ZNF385B: variants seen among roughly 807,000 people sequenced by gnomAD.
The protein encoded by ZNF385B is zinc finger protein 385B.
In ZNF385B, 23 loss-of-function variants were observed where a neutral mutation model predicts 39.2. The ratio of observed to expected loss-of-function variants is 0.59; its 90% CI spans 0.42 to 0.83. ZNF385B has a LOEUF of 0.83. Ranked by LOEUF, ZNF385B falls within the 40% of genes least tolerant of loss-of-function variation. The pLI is 0.00. For synonymous variants in ZNF385B, 205 were observed against 222.6 expected (o/e 0.92, Z 0.70); for missense variants, 552 against 598.9 (o/e 0.92, Z 0.82).
At chr2:179,508,668 C>T (rs1182564889) in intron 5 of ZNF385B, among the ~76,000 whole-genome samples, 3 of 152,170 alleles carry the variant, frequency 2.0e-5, no homozygotes, top group Non-Finnish European at 4.4e-5. Flanking sequence ...GATGGTGAAT[C>T]ATGGATAATC....
At chr2:179,734,982 ATG>A (rs1410007396) in intron 3 of ZNF385B, among the ~76,000 whole-genome samples, 1 of 152,004 alleles carries the variant, frequency 6.6e-6, no homozygotes, top group East Asian at 1.9e-4. Context: ...CAAGGACTTC[ATG>A]TCTAAAACAC....
chr2:179,652,549 G>T (rs998848974), intron 3 of ZNF385B, among the ~76,000 whole-genome samples: 1 of 152,058 alleles, frequency 6.6e-6, no homozygotes, highest in Non-Finnish European at 1.5e-5. Context: ...GGGTGTTATG[G>T]TTATTACCAT....
At chr2:179,828,657 T>C (rs1158224419) in intron 1 of ZNF385B, among the ~76,000 whole-genome samples, 3 of 152,214 alleles carry the variant, frequency 2.0e-5, no homozygotes, top group Admixed American at 2.0e-4. Flanking sequence ...CTGGTTTTCA[T>C]GAAGTTTGAG....
chr2:179,619,469 T>C (rs1334672337), intron 3 of ZNF385B, among the ~76,000 whole-genome samples: 1 of 152,216 alleles, frequency 6.6e-6, no homozygotes, highest in Non-Finnish European at 1.5e-5. Context: ...CGGATTCCTG[T>C]CCTGCTCCCC....
At chr2:179,531,620 G>C (rs1479158925) in intron 4 of ZNF385B, among the ~76,000 whole-genome samples, 1 of 152,112 alleles carries the variant, frequency 6.6e-6, no homozygotes, top group Non-Finnish European at 1.5e-5. Context: ...GGGTGACATA[G>C]TGAGACTCCA....
intron 3 of ZNF385B, among the ~76,000 whole-genome samples, chr2:179,605,431 A>AT (rs1156329185): frequency 6.6e-6 from 1 of 152,102 alleles, no homozygotes; most frequent in African/African-American, 2.4e-5. Flanking sequence ...GTTAATAAGT[A>AT]TTTTTTTAAA....
intron 1 of ZNF385B, among the ~76,000 whole-genome samples, chr2:179,820,759 A>G (rs1471261670): frequency 2.6e-5 from 4 of 152,134 alleles, no homozygotes; most frequent in Admixed American, 6.6e-5. Context: ...TACTATAAGG[A>G]ATTTCCTTAT....
intron 3 of ZNF385B, chr2:179,562,441 A>G (rs1684026513): frequency 1.0e-6 from 1 of 985,262 alleles, no homozygotes; most frequent in African/African-American, 1.7e-5. Context: ...TCTGCATTTG[A>G]GCACTGTACG....
At chr2:179,711,719 C>T (rs924438652) in intron 3 of ZNF385B, among the ~76,000 whole-genome samples, 4 of 151,902 alleles carry the variant, frequency 2.6e-5, no homozygotes, top group Non-Finnish European at 5.9e-5. Context: ...GTAGAGGTTG[C>T]TAGGGGGAGG....
intron 3 of ZNF385B, among the ~76,000 whole-genome samples, chr2:179,555,633 A>T (rs1183246982): frequency 6.7e-6 from 1 of 149,344 alleles, no homozygotes; most frequent in Admixed American, 6.7e-5. Flanking sequence ...ATGCTTTTTG[A>T]GTTCTTTTTT....
intron 3 of ZNF385B, among the ~76,000 whole-genome samples, chr2:179,692,993 T>G (rs1399689): frequency 0.29 from 43,499 of 152,126 alleles, 6,621 homozygotes; most frequent in Non-Finnish European, 0.35. Flanking sequence ...GCAGTGTCTA[T>G]CTCCTGGAAG....
intron 3 of ZNF385B, among the ~76,000 whole-genome samples, chr2:179,625,219 T>C (rs972050635): frequency 6.6e-6 from 1 of 152,096 alleles, no homozygotes; most frequent in Non-Finnish European, 1.5e-5. Flanking sequence ...TCCCTGAGAG[T>C]GTCTCTCTTT....
chr2:179,676,379 C>G (rs186641283), intron 3 of ZNF385B, among the ~76,000 whole-genome samples: 3 of 151,030 alleles, frequency 2.0e-5, no homozygotes, highest in African/African-American at 2.4e-5. Flanking sequence ...TGAGCCACCA[C>G]GCCCAGCCTA....
chr2:179,620,759 T>C (rs1340085273), intron 3 of ZNF385B, among the ~76,000 whole-genome samples: 1 of 152,200 alleles, frequency 6.6e-6, no homozygotes, highest in Non-Finnish European at 1.5e-5. Context: ...TTTAAGACTT[T>C]GTTGAGATGG....
chr2:179,598,516 T>C (rs1688171907), intron 3 of ZNF385B, among the ~76,000 whole-genome samples: 1 of 152,124 alleles, frequency 6.6e-6, no homozygotes, highest in Non-Finnish European at 1.5e-5. Context: ...GATGAGTAAA[T>C]CGTGATATAT....
At chr2:179,780,592 T>C (rs1388400941) in intron 1 of ZNF385B, among the ~76,000 whole-genome samples, 1 of 152,208 alleles carries the variant, frequency 6.6e-6, no homozygotes, top group Non-Finnish European at 1.5e-5. Context: ...AAATTAAATG[T>C]GCCATGATCT....
intron 3 of ZNF385B, among the ~76,000 whole-genome samples, chr2:179,757,849 G>A (rs1047300666): frequency 2.0e-5 from 3 of 152,068 alleles, no homozygotes; most frequent in Non-Finnish European, 2.9e-5. Flanking sequence ...AATTTTCCAG[G>A]TGCCATCTGT....
At chr2:179,734,422 T>A (rs947598281) in intron 3 of ZNF385B, among the ~76,000 whole-genome samples, 1 of 152,206 alleles carries the variant, frequency 6.6e-6, no homozygotes, top group Admixed American at 6.5e-5. Flanking sequence ...GAGTGCCCCA[T>A]GCCCACATAC....
At chr2:179,507,494 C>A (rs182655450) in intron 5 of ZNF385B, among the ~76,000 whole-genome samples, 3 of 152,308 alleles carry the variant, frequency 2.0e-5, no homozygotes, top group Admixed American at 1.3e-4. Context: ...AGGCATTAAT[C>A]AAATGATAGC....
Sources: allele counts gnomAD v4.1 joint callset (sites outside exome capture counted in the v4.1 genomes callset), GRCh38; gene constraint gnomAD v4.1.1; transcripts MANE v1.5; gene names NCBI Gene and HGNC (gene_info 2026-07-23, HGNC 2026-07-21).